KCNB2: variants seen among roughly 807,000 people sequenced by gnomAD.
KCNB2 encodes delayed rectifier potassium channel protein.
KCNB2 carries 15 observed loss-of-function variants against 61.5 expected under a neutral mutation model. The observed-to-expected ratio is 0.24, with a 90% CI of 0.16 to 0.38. The LOEUF is 0.38. Among genes scored for constraint, KCNB2 ranks in the 10% least tolerant of loss-of-function variants. The pLI, the probability that KCNB2 is intolerant of heterozygous loss-of-function variation, is 1.00. For missense variants in KCNB2, 828 were observed against 1,125.2 expected, an observed-to-expected ratio of 0.74 and a Z score of 3.78; for synonymous variants, 457 against 446.0, an observed-to-expected ratio of 1.02 and a Z score of -0.31.
In KCNB2 at chr8:72,562,893, G is replaced by A. The variant is rs117648455; in HGVS notation, c.-93-4749G>A. On this transcript the variant is annotated intron_variant, in intron 1 of 2. Coordinates refer to ENST00000523207, the MANE Select transcript of KCNB2 (RefSeq NM_004770.3). ...AACATAAATTTTGTGAACACTCTAG[G>A]GTCGTAAAACACAATACCCTTACCC... 2.0e-5 allele frequency among the ~76,000 whole-genome samples: 3 copies of A among 152,016 alleles called. No homozygotes were observed. The East Asian group carries it at 5.8e-4, about 29-fold the overall frequency.
At chr8:72,790,954 AC>A (rs1178914484) in intron 2 of KCNB2, among the ~76,000 whole-genome samples, 1 of 152,166 alleles carries the variant, frequency 6.6e-6, no homozygotes, top group Non-Finnish European at 1.5e-5. Context: ...ATTTGTGTTT[AC>A]TGTATGATGA....
intron 2 of KCNB2, among the ~76,000 whole-genome samples, chr8:72,813,931 T>A (rs1809348121): frequency 6.6e-6 from 1 of 152,214 alleles, no homozygotes; most frequent in South Asian, 2.1e-4. Flanking sequence ...TAGGTATACG[T>A]GTGCCATGCT....
intron 2 of KCNB2, among the ~76,000 whole-genome samples, chr8:72,826,071 A>G (rs1264121819): frequency 6.6e-6 from 1 of 152,176 alleles, no homozygotes; most frequent in Non-Finnish European, 1.5e-5. Context: ...ATCTTTATAA[A>G]TGGTATAACG....
intron 2 of KCNB2, among the ~76,000 whole-genome samples, chr8:72,850,205 GTGTGTGTGTGTGTGTA>G (rs200474330): frequency 0.38 from 28,885 of 76,116 alleles, 3,376 homozygotes; most frequent in Non-Finnish European, 0.49. Flanking sequence ...GTGTGTGTGT[GTGTGTGTGTGTGTGTA>G]TGTGTGTGTG....
intron 2 of KCNB2, among the ~76,000 whole-genome samples, chr8:72,578,133 C>G (rs1295601026): frequency 6.6e-6 from 1 of 152,158 alleles, no homozygotes; most frequent in Non-Finnish European, 1.5e-5. Context: ...CTCTGAAGAA[C>G]AGCAACAGAG....
chr8:72,720,574 C>G (rs1420486591), intron 2 of KCNB2, among the ~76,000 whole-genome samples: 1 of 152,194 alleles, frequency 6.6e-6, no homozygotes. Context: ...CTGTTTACCT[C>G]TCTTGTCACC....
At chr8:72,734,001 ACT>A (rs1807795929) in intron 2 of KCNB2, among the ~76,000 whole-genome samples, 1 of 151,976 alleles carries the variant, frequency 6.6e-6, no homozygotes, top group Non-Finnish European at 1.5e-5. Flanking sequence ...CTTAAAGGCA[ACT>A]CTCCTCAATC....
At chr8:72,843,885 T>C (rs1274415079) in intron 2 of KCNB2, among the ~76,000 whole-genome samples, 1 of 152,208 alleles carries the variant, frequency 6.6e-6, no homozygotes, top group Non-Finnish European at 1.5e-5. Flanking sequence ...CTTGACTCTT[T>C]ATCCAATTTG....
chr8:72,915,175 G>A (rs1186231668), intron 2 of KCNB2, among the ~76,000 whole-genome samples: 1 of 152,072 alleles, frequency 6.6e-6, no homozygotes, highest in Non-Finnish European at 1.5e-5. Flanking sequence ...TCCATGATCG[G>A]CCTCCCAAAG....
chr8:72,821,666 A>ACG (rs1809514376), intron 2 of KCNB2, among the ~76,000 whole-genome samples: 2 of 148,070 alleles, frequency 1.4e-5, no homozygotes, highest in Admixed American at 1.4e-4. Context: ...AAAAACACAC[A>ACG]CACACCAAGC....
chr8:72,759,647 T>C (rs1808345136), intron 2 of KCNB2, among the ~76,000 whole-genome samples: 1 of 152,148 alleles, frequency 6.6e-6, no homozygotes. Context: ...GTAATAGAAA[T>C]CACCATTCCT....
rs77482798 is a variant in KCNB2, at chr8:72,789,521, G to C, written c.580-146414G>C. Among the ~76,000 whole-genome samples the C allele has an allele frequency of 5.9e-3, 891 of 152,198 alleles. 4 individuals are homozygous for C. Among genetic ancestry groups the C allele is most frequent in the Middle Eastern group, 0.051 (15 of 294 alleles). ...AAGAGAAGTTGACCAGGTAGAGAAG[G>C]GGGAGGCAGGCATGCAGGAAGACAA... On this transcript the variant is annotated intron_variant, in intron 2 of 2. Coordinates refer to ENST00000523207, the MANE Select transcript of KCNB2 (RefSeq NM_004770.3).
rs143863881 is a variant in KCNB2, at chr8:72,898,935, G to A, written c.580-37000G>A. Among the ~76,000 whole-genome samples the A allele has an allele frequency of 3.1e-3, 469 of 152,132 alleles. 3 individuals carry two copies. The highest frequency in any genetic ancestry group is 8.5e-3 in the African/African-American group (351 of 41,500). ...CTGCTTTATTTGGCTTAGAATTATG[G>A]CCTCTAGCTTCATCCATTTCACTGC... On this transcript the variant is annotated intron_variant, in intron 2 of 2. Coordinates refer to ENST00000523207, the MANE Select transcript of KCNB2 (RefSeq NM_004770.3).
intron 2 of KCNB2, among the ~76,000 whole-genome samples, chr8:72,664,160 C>T (rs752045185): frequency 1.1e-4 from 17 of 152,172 alleles, no homozygotes; most frequent in Non-Finnish European, 1.9e-4. Flanking sequence ...TGAGGCTTAC[C>T]GGCCTGTCTT....
intron 2 of KCNB2, among the ~76,000 whole-genome samples, chr8:72,775,597 A>C (rs2128997482): frequency 6.6e-6 from 1 of 152,290 alleles, no homozygotes; most frequent in African/African-American, 2.4e-5. Flanking sequence ...GACTCACAGT[A>C]AACAATCCAA....
intron 2 of KCNB2, among the ~76,000 whole-genome samples, chr8:72,868,161 T>C (rs72653528): frequency 0.2 from 29,876 of 150,332 alleles, 3,664 homozygotes; most frequent in Non-Finnish European, 0.27. Context: ...AGCCTCAGAC[T>C]CCTGGGCTCA....
rs188350155 is a variant in KCNB2 at position 72,749,697 on chromosome 8, C to T, written c.579+181384C>T. On this transcript the variant is annotated intron_variant, in intron 2 of 2. Coordinates refer to ENST00000523207, the MANE Select transcript of KCNB2 (RefSeq NM_004770.3). ...GATTTTTTTACTATGTAATATTTGG[C>T]GTATACAAAAAAGTAATATATATAT... is the stretch of plus-strand genomic sequence containing the variant. Among the ~76,000 whole-genome samples, 312 of 144,628 alleles carry T rather than the reference C, an allele frequency of 2.2e-3. 2 individuals carry two copies. The highest frequency in any genetic ancestry group is 7.5e-3 in the African/African-American group (297 of 39,540). The allele number at this position is 144,628 out of a possible 152,430, so 94.9% of individuals were successfully genotyped here.
At chr8:72,570,079 T>C (rs929695147) in intron 2 of KCNB2, among the ~76,000 whole-genome samples, 1 of 152,176 alleles carries the variant, frequency 6.6e-6, no homozygotes, top group Non-Finnish European at 1.5e-5. Flanking sequence ...GTTCATTTAA[T>C]CTATAAATTT....
chr8:72,700,668 G>A (rs1301918392), intron 2 of KCNB2, among the ~76,000 whole-genome samples: 1 of 152,078 alleles, frequency 6.6e-6, no homozygotes, highest in Admixed American at 6.6e-5. Context: ...TCTGCGGAAA[G>A]CAATTTGGAG....
Sources: gnomAD v4.1 joint callset for allele counts (sites outside exome capture counted in the v4.1 genomes callset) on GRCh38, gnomAD v4.1.1 for gene constraint, MANE v1.5 for transcripts, NCBI Gene and HGNC (gene_info 2026-07-23, HGNC 2026-07-21) for gene names.